The following NLRP5 variants were observed in gnomAD, a reference collection of about 807,000 sequenced individuals.
NLRP5 encodes NACHT, LRR and PYD domains-containing protein 5.
In NLRP5, 93 loss-of-function variants were observed where a neutral mutation model predicts 113.1. The ratio of observed to expected loss-of-function variants is 0.82; its 90% CI spans 0.70 to 0.98. The LOEUF (loss-of-function observed/expected upper bound fraction) is 0.98, where lower values mean the gene tolerates loss of function less well. Among genes scored for constraint, NLRP5 ranks in the 50% least tolerant of loss-of-function variants. NLRP5 has a pLI of 0.00. For synonymous variants in NLRP5, 751 were observed against 600.7 expected (o/e 1.25, Z -3.66); for missense variants, 1,808 against 1,514.3 (o/e 1.19, Z -3.22).
At chr19:56,044,890 GT>G (rs1983665893) in intron 11 of NLRP5, among the ~76,000 whole-genome samples, 1 of 152,180 alleles carries the variant, frequency 6.6e-6, no homozygotes, top group South Asian at 2.1e-4. Context: ...TTTCAGCAAT[GT>G]TTTGTAGTTT....
chr19:56,048,221 A>T (rs2123332608), intron 11 of NLRP5, among the ~76,000 whole-genome samples: 1 of 152,226 alleles, frequency 6.6e-6, no homozygotes, highest in African/African-American at 2.4e-5. Context: ...CAGTGTTAGG[A>T]TGGAGATGTG....
chr19:56,014,683 A>T (rs1272863639), intron 3 of NLRP5, among the ~76,000 whole-genome samples: 1 of 152,150 alleles, frequency 6.6e-6, no homozygotes, highest in Admixed American at 6.6e-5. Context: ...TATTGAAAAC[A>T]CTATTCTTTA....
chr19:56,053,787 A>G lies in NLRP5; in HGVS notation c.3278A>G (p.Asn1093Ser). ...CTGTGCGAGGGACTGAAGCAAAAGA[A>G]CAGTGTTCTGGCGAGACTCGGGTAA... The change falls in exon 13 of 15, where the codon AAC (asparagine) becomes AGC (serine). Residue 1093 changes from asparagine to serine, a missense_variant. Physicochemically the swap from Asn to Ser is conservative, Grantham distance 46. Transcript: ENST00000390649. The G allele has an allele frequency of 1.2e-6, 2 of 1,613,868 alleles. No individual in the cohort carries two copies. The highest frequency in any genetic ancestry group is 1.7e-6 in the Non-Finnish European group (2 of 1,179,862).
At chr19:56,032,490 G>A (rs1983157236) in intron 7 of NLRP5, 121 bp from the exon 8 acceptor site, 1 of 763,472 alleles carries the variant, frequency 1.3e-6, no homozygotes, top group Non-Finnish European at 2.1e-6. Flanking sequence ...GTTGCCTCAG[G>A]GCCTCTAAAG....
intron 8 of NLRP5, among the ~76,000 whole-genome samples, chr19:56,033,188 T>A (rs1599897488): frequency 6.6e-6 from 1 of 151,824 alleles, no homozygotes; most frequent in Non-Finnish European, 1.5e-5. Context: ...GAGGTGGAGG[T>A]TGCAGTGAGC....
At chr19:55,993,134 C>T in the NLRP5 span, among the ~76,000 whole-genome samples, 1 of 151,912 alleles carries the variant, frequency 6.6e-6, no homozygotes, top group African/African-American at 2.4e-5. Context: ...CAGGTGTGAG[C>T]CACTGCGCCC....
chr19:56,002,823 C>G (rs929082591), intron 1 of NLRP5, among the ~76,000 whole-genome samples: 1 of 151,980 alleles, frequency 6.6e-6, no homozygotes, highest in Non-Finnish European at 1.5e-5. Context: ...GCATAGTATT[C>G]CATGGTGTAT....
intron 9 of NLRP5, among the ~76,000 whole-genome samples, chr19:56,036,102 T>C (rs866119391): frequency 1.8e-4 from 25 of 139,234 alleles, no homozygotes; most frequent in South Asian, 7.0e-4. Flanking sequence ...CTTGCTCTGT[T>C]GCCCAGGCTG....
intron 4 of NLRP5, among the ~76,000 whole-genome samples, chr19:56,018,970 T>A (rs981814779): frequency 2.0e-5 from 3 of 152,104 alleles, no homozygotes; most frequent in African/African-American, 7.2e-5. Context: ...ACTTTTTGTA[T>A]TTTTTAGTAG....
chr19:56,013,596 G>GTTTTTTTTTTTTTTGTTTTTTTTTT (rs1982288523), intron 3 of NLRP5, among the ~76,000 whole-genome samples: 1 of 59,284 alleles, frequency 1.7e-5, no homozygotes, highest in African/African-American at 8.7e-5. Context: ...GGACATTTGG[G>GTTTTTTTTTTTTTTGTTTTTTTTTT]TTTTTTTTTT....
intron 6 of NLRP5, among the ~76,000 whole-genome samples, chr19:56,022,949 C>T (rs1398061284): frequency 6.6e-6 from 1 of 152,264 alleles, no homozygotes; most frequent in East Asian, 1.9e-4. Context: ...TGGTCTCGAA[C>T]TCTCAACCTC....
intron 1 of NLRP5, among the ~76,000 whole-genome samples, chr19:56,003,507 C>T (rs73068103): frequency 0.16 from 23,574 of 152,082 alleles, 2,073 homozygotes; most frequent in East Asian, 0.31. Context: ...GTGGCATGCA[C>T]GTCCAATTTT....
upstream of NLRP5, among the ~76,000 whole-genome samples, chr19:55,998,585 G>A (rs954863128): frequency 1.5e-4 from 22 of 150,850 alleles, no homozygotes; most frequent in African/African-American, 4.7e-4. Flanking sequence ...CCCGGGAGGT[G>A]GAGGTTGCAG....
chr19:56,038,829 TTCCGTG>T (rs1568496610), intron 10 of NLRP5, among the ~76,000 whole-genome samples: 1 of 152,154 alleles, frequency 6.6e-6, no homozygotes, highest in Non-Finnish European at 1.5e-5. Context: ...TTCTTTCCTT[TTCCGTG>T]TCAGAGTTTT....
At chr19:56,045,388 G>T (rs1983684451) in intron 11 of NLRP5, among the ~76,000 whole-genome samples, 1 of 152,146 alleles carries the variant, frequency 6.6e-6, no homozygotes, top group South Asian at 2.1e-4. Context: ...AGTCAGCGAA[G>T]GGTGATGGGA....
Position 56,036,058 on chromosome 19 carries a change from C to CTTTTTTTTT in NLRP5, c.2616-1953_2616-1945dup, listed in dbSNP as rs34956178. Reference sequence around the variant, plus strand: ...ACATGCTGATGAATGAATTGAGATTCTTTTTTTTTTTTTTTTTTTTTTGGA... The same window carrying CTTTTTTTTT: ...ACATGCTGATGAATGAATTGAGATTCTTTTTTTTTTTTTTTTTTTTTTTTTTTTTTTGGA... On this transcript the variant is annotated intron_variant, in intron 9 of 14. Coordinates refer to ENST00000390649, the MANE Select transcript of NLRP5 (RefSeq NM_153447.4). Among the ~76,000 whole-genome samples, 299 of 76,996 alleles carry CTTTTTTTTT rather than the reference C, an allele frequency of 3.9e-3. 44 individuals are homozygous for CTTTTTTTTT. The highest frequency in any genetic ancestry group is 0.016 in the African/African-American group (277 of 17,608). 50.5% of individuals were successfully genotyped at this position (76,996 alleles called of 152,430 possible). A position where few individuals can be genotyped will look rare whatever the true frequency, so the allele number is the denominator to read the frequency against.
At chr19:55,994,180 T>C in the NLRP5 span, among the ~76,000 whole-genome samples, 12 of 152,248 alleles carry the variant, frequency 7.9e-5, no homozygotes, top group African/African-American at 2.9e-4. Context: ...GAAATGCAAA[T>C]CAAAACCACA....
At chr19:56,036,880 C>T (rs1037495904) in intron 9 of NLRP5, among the ~76,000 whole-genome samples, 1 of 152,076 alleles carries the variant, frequency 6.6e-6, no homozygotes, top group Non-Finnish European at 1.5e-5. Flanking sequence ...TCACTTGAAC[C>T]CAGGAGGCAG....
chr19:56,040,873 C>A (rs988323587), intron 10 of NLRP5, 49 bp from the exon 11 acceptor site: 6 of 1,521,630 alleles, frequency 3.9e-6, no homozygotes, highest in Non-Finnish European at 5.4e-6. Flanking sequence ...AAAGATGGAA[C>A]TTTAAGAAGG....
Sources: allele counts gnomAD v4.1 joint callset (sites outside exome capture counted in the v4.1 genomes callset), GRCh38; gene constraint gnomAD v4.1.1; transcripts MANE v1.5; gene names NCBI Gene and HGNC (gene_info 2026-07-23, HGNC 2026-07-21).